Variants in SNUPN observed in about 807,000 individuals in gnomAD.
The protein encoded by SNUPN is snurportin 1.
In SNUPN, 31 loss-of-function variants were observed where a neutral mutation model predicts 39.2. The ratio of observed to expected loss-of-function variants is 0.79; its 90% confidence interval spans 0.59 to 1.07. The LOEUF (loss-of-function observed/expected upper bound fraction) is 1.07. Ranked by LOEUF, SNUPN falls within the 50% of genes least tolerant of loss-of-function variation. SNUPN has a pLI of 0.00. For missense variants in SNUPN, 382 were observed against 434.2 expected (o/e 0.88, Z 1.07); for synonymous variants, 132 against 159.0 (o/e 0.83, Z 1.28).
Position 75,598,183 on chromosome 15 carries a change from C to CTGAATG in SNUPN, c.*174_*175insCATTCA. 1 of 578,134 alleles carries CTGAATG rather than the reference C, an allele frequency of 1.7e-6. No homozygotes were observed. The highest frequency in any genetic ancestry group is 1.9e-5 in the African/African-American group (1 of 53,794). 35.8% of individuals were successfully genotyped at this position (578,134 alleles called of 1,614,324 possible). On this transcript the variant is annotated 3_prime_UTR_variant, in exon 9 of 9. Coordinates refer to ENST00000308588, the MANE Select transcript of SNUPN (RefSeq NM_005701.4). Reference sequence around the variant, plus strand: ...ATCTGAATGCTACGCAATCTGGGAACCTCCCCATAACTGTTTGAGCCAGCA... The same window carrying CTGAATG: ...ATCTGAATGCTACGCAATCTGGGAACTGAATGCTCCCCATAACTGTTTGAGCCAGCA...
At chr15:75,602,309 C>T (rs1377669485) in intron 7 of SNUPN, among the ~76,000 whole-genome samples, 1 of 152,062 alleles carries the variant, frequency 6.6e-6, no homozygotes, top group South Asian at 2.1e-4. Context: ...GGGCGGATCA[C>T]GAGGTCAGGA....
chr15:75,609,174 CTTTTTTTTT>C (rs1205961290), intron 5 of SNUPN, among the ~76,000 whole-genome samples: 1 of 89,692 alleles, frequency 1.1e-5, no homozygotes, highest in Admixed American at 1.1e-4. Context: ...CAAAGTGGGT[CTTTTTTTTT>C]TTTTTTTTTT....
At chr15:75,604,046 C>T (rs147706074) in intron 7 of SNUPN, among the ~76,000 whole-genome samples, 2,400 of 152,116 alleles carry the variant, frequency 0.016, 29 homozygotes, top group Non-Finnish European at 0.023. Flanking sequence ...TTAGAGAGAG[C>T]AGTCTTCCCC....
At position 75,598,439 on chromosome 15, in the gene SNUPN, A is replaced by G; in HGVS notation, c.1002T>C (p.Tyr334=). 6.2e-7 allele frequency: 1 copy of G among 1,614,226 alleles called. No individual in the cohort carries two copies. The highest frequency in any genetic ancestry group is 1.3e-5 in the African/African-American group (1 of 75,056). Residue 334 remains tyrosine (Y), a synonymous_variant, in exon 9 of 9, where the codon TAT becomes TAC. Coordinates refer to ENST00000308588, the MANE Select transcript of SNUPN (RefSeq NM_005701.4). ...LTHKASENGH[Y]ELEHLSTPKL... is the part of the protein sequence containing the mutation. ...TGGGAGTAGACAGGTGCTCCAATTCATAGTGCCCATTCTCAGAGGCCTTGT... is the reference window on the plus strand; with the variant it reads ...TGGGAGTAGACAGGTGCTCCAATTCGTAGTGCCCATTCTCAGAGGCCTTGT...
At chr15:75,618,030 C>G (rs1252473996) in intron 2 of SNUPN, among the ~76,000 whole-genome samples, 1 of 152,166 alleles carries the variant, frequency 6.6e-6, no homozygotes, top group African/African-American at 2.4e-5. Context: ...TGACCGCCCC[C>G]TCAAAATCCT....
At chr15:75,603,182 G>T (rs1254762529) in intron 7 of SNUPN, among the ~76,000 whole-genome samples, 1 of 151,428 alleles carries the variant, frequency 6.6e-6, no homozygotes, top group African/African-American at 2.4e-5. Flanking sequence ...CAAGTAGCTG[G>T]GACTATAGGC....
chr15:75,614,710 T>TA (rs1042990923), intron 3 of SNUPN, among the ~76,000 whole-genome samples: 8 of 150,676 alleles, frequency 5.3e-5, no homozygotes, highest in Non-Finnish European at 8.9e-5. Flanking sequence ...GTGACTACAC[T>TA]AAAAAAAAAG....
Position 75,621,012 on chromosome 15 carries a change from C to T in SNUPN, c.40G>A (p.Val14Met), listed in dbSNP as rs1385655162. Residue 14 changes from valine (V) to methionine (M), a missense_variant, in exon 2 of 9, where the codon GTG becomes ATG. Coordinates refer to ENST00000308588, the MANE Select transcript of SNUPN (RefSeq NM_005701.4). ...GCTGTGCTGTTCAGATCTTGAGACA[C>T]AGAAAAGCTACTAGCCAGGGCCTGA... ...LSQALASSFS[V>M]SQDLNSTAAP... The T allele has an allele frequency of 3.1e-6, 5 of 1,614,088 alleles. No homozygotes were observed. The Admixed American group carries it at 8.3e-5, about 27-fold the overall frequency.
intron 3 of SNUPN, among the ~76,000 whole-genome samples, chr15:75,616,530 A>G (rs1276566605): frequency 1.3e-5 from 2 of 152,134 alleles, no homozygotes; most frequent in Non-Finnish European, 2.9e-5. Flanking sequence ...GCTTCAAGTA[A>G]TCCTCCCACC....
chr15:75,620,909 A>G lies in SNUPN; in HGVS notation c.143T>C (p.Leu48Pro). 6.2e-7 allele frequency: 1 copy of G among 1,613,246 alleles called. No homozygotes were observed. The highest frequency in any genetic ancestry group is 8.5e-7 in the Non-Finnish European group (1 of 1,179,780). ...GCTTCCTTACGATTTCTGCAGTTCC[A>G]GTAACCTCCGGCGGCGCTCACTCTG... ...LEQSERRRRL[L>P]ELQKSKRLDY... Residue 48 changes from leucine (L) to proline (P), a missense_variant, in exon 2 of 9, where the codon CTG (leucine) becomes CCG (proline). By Grantham distance (98) the Leu-to-Pro change is moderately conservative. Coordinates refer to ENST00000308588, the MANE Select transcript of SNUPN (RefSeq NM_005701.4).
chr15:75,604,690 G>A (rs1431978973), intron 7 of SNUPN, among the ~76,000 whole-genome samples: 3 of 152,184 alleles, frequency 2.0e-5, no homozygotes, highest in Non-Finnish European at 4.4e-5. Context: ...AAGGGTAAGT[G>A]AGATTATTAA....
At chr15:75,616,585 T>A (rs907302721) in intron 3 of SNUPN, among the ~76,000 whole-genome samples, 2 of 152,062 alleles carry the variant, frequency 1.3e-5, no homozygotes, top group Admixed American at 6.6e-5. Flanking sequence ...GCCACCACAC[T>A]CAGGCCCAGG....
rs565752103 is a variant in SNUPN at position 75,615,254 on chromosome 15, C to T, written c.303+2154G>A. Among the ~76,000 whole-genome samples the T allele has an allele frequency of 9.9e-5, 15 of 152,242 alleles. No individual in the cohort carries two copies. The South Asian group carries it at 2.3e-3, about 23-fold the overall frequency. ...GCCAGGCTGGTCTTGAACTCCTGGCCTTAGCCTCCCAAAGTGCTGGGATTA... is the reference window on the plus strand; with the variant it reads ...GCCAGGCTGGTCTTGAACTCCTGGCTTTAGCCTCCCAAAGTGCTGGGATTA... On this transcript the variant is annotated intron_variant, in intron 3 of 8. Coordinates refer to ENST00000308588, the MANE Select transcript of SNUPN (RefSeq NM_005701.4).
intron 1 of SNUPN, among the ~76,000 whole-genome samples, chr15:75,621,703 C>T (rs1246474205): frequency 6.6e-6 from 1 of 152,104 alleles, no homozygotes; most frequent in Non-Finnish European, 1.5e-5. Context: ...CCAGAGGAAA[C>T]ACTGGTTCTA....
At chr15:75,607,485 A>G (rs1277879690) in intron 5 of SNUPN, among the ~76,000 whole-genome samples, 172 bp from the exon 6 acceptor site, 1 of 152,200 alleles carries the variant, frequency 6.6e-6, no homozygotes, top group African/African-American at 2.4e-5. Flanking sequence ...CTGCCTGGCT[A>G]CCAGCTACAG....
At position 75,605,144 on chromosome 15, in the gene SNUPN, C is replaced by T; in HGVS notation, c.678+6G>A. On this transcript the variant is annotated splice_donor_region_variant and intron_variant, in intron 7 of 8. Coordinates refer to ENST00000308588, the MANE Select transcript of SNUPN (RefSeq NM_005701.4). ...GGAACTCAGTGATCCTAACACCAGG[C>T]CTTACAGGATTAAGCTTGGTTTTCT... 2 of 1,599,026 alleles carry T rather than the reference C, an allele frequency of 1.3e-6. No homozygotes were observed. The highest frequency in any genetic ancestry group is 1.7e-6 in the Non-Finnish European group (2 of 1,166,630).
intron 7 of SNUPN, among the ~76,000 whole-genome samples, chr15:75,603,897 C>A (rs1436164994): frequency 6.6e-6 from 1 of 152,088 alleles, no homozygotes. Context: ...GGTTTGAATC[C>A]CATTCTGCCA....
intron 1 of SNUPN, among the ~76,000 whole-genome samples, chr15:75,621,398 C>T (rs1893067545): frequency 1.3e-5 from 2 of 151,730 alleles, no homozygotes; most frequent in South Asian, 4.2e-4. Flanking sequence ...GTAACTGAGA[C>T]TACAGGTATA....
intron 1 of SNUPN, among the ~76,000 whole-genome samples, chr15:75,624,138 G>A (rs1172957105): frequency 4.7e-5 from 7 of 147,454 alleles, no homozygotes; most frequent in Non-Finnish European, 9.0e-5. Flanking sequence ...CGTTTTAGCC[G>A]GGATGGTCTC....
Sources: gnomAD v4.1 joint callset for allele counts (sites outside exome capture counted in the v4.1 genomes callset) on GRCh38, gnomAD v4.1.1 for gene constraint, MANE v1.5 for transcripts, NCBI Gene and HGNC (gene_info 2026-07-23, HGNC 2026-07-21) for gene names.